HPS1: variants seen among roughly 807,000 people sequenced by gnomAD.
HPS1 encodes the protein HPS1 biogenesis of lysosomal organelles complex 3 subunit 1.
In HPS1, 59 loss-of-function variants were observed where a neutral mutation model predicts 90.6. The ratio of observed to expected loss-of-function variants is 0.65; its 90% CI spans 0.53 to 0.81. HPS1 has a LOEUF of 0.81. HPS1 is among the 30% of genes least tolerant of loss of function. The pLI is 0.00. For synonymous variants in HPS1, 388 were observed against 384.4 expected, an observed-to-expected ratio of 1.01 and a Z score of -0.11; for missense variants, 849 against 896.7, an observed-to-expected ratio of 0.95 and a Z score of 0.68.
Position 98,435,531 on chromosome 10 carries a change from G to C in HPS1, c.255+104C>G. On this transcript the variant is annotated intron_variant, in intron 4 of 19. Transcript: ENST00000361490. This position sits in a 1 kb window ranked among gnomAD's most constrained non-coding sequence, Gnocchi z 4.3. ...TCCCAGGCGGGTTTGATAAGATGCCGTTTCTGCCTTCTAAAGGAGTCTAAA... is the reference window on the plus strand; with the variant it reads ...TCCCAGGCGGGTTTGATAAGATGCCCTTTCTGCCTTCTAAAGGAGTCTAAA... The C allele has an allele frequency of 6.2e-7, 1 of 1,606,094 alleles. No individual in the cohort carries two copies. The highest frequency in any genetic ancestry group is 8.5e-7 in the Non-Finnish European group (1 of 1,173,126).
chr10:98,418,518 C>A (rs898123029), intron 18 of HPS1, among the ~76,000 whole-genome samples: 2 of 152,252 alleles, frequency 1.3e-5, no homozygotes, highest in Admixed American at 1.3e-4. Flanking sequence ...GCCACAAACA[C>A]ACGCTCAGGA....
chr10:98,436,230 A>G (rs1366875808), intron 3 of HPS1, among the ~76,000 whole-genome samples: 1 of 152,098 alleles, frequency 6.6e-6, no homozygotes, highest in Non-Finnish European at 1.5e-5. Flanking sequence ...AAACAACTGG[A>G]AAAAAAATGT....
intron 3 of HPS1, among the ~76,000 whole-genome samples, chr10:98,441,701 G>A (rs556675305): frequency 1.3e-5 from 2 of 152,228 alleles, no homozygotes; most frequent in Non-Finnish European, 2.9e-5. Context: ...AATAAAAACT[G>A]GGCAAAAGAT....
In HPS1 at chr10:98,416,397, C is replaced by T. The variant is rs1061437; in HGVS notation, c.*1167G>A. ...GTTTTTCTGTATTTTCCACAATCCA[C>T]GCTTTTCATTGCCATTCCATCAGAT... On this transcript the variant is annotated 3_prime_UTR_variant, in exon 20 of 20. Coordinates refer to ENST00000361490, the MANE Select transcript of HPS1 (RefSeq NM_000195.5). 53,971 of 152,186 alleles carry T rather than the reference C, an allele frequency of 0.35. 10,592 individuals carry two copies. The highest frequency in any genetic ancestry group is 0.51 in the African/African-American group (21,344 of 41,458). 9.4% of individuals were successfully genotyped at this position (152,186 alleles called of 1,614,324 possible). A position where few individuals can be genotyped will look rare whatever the true frequency, so the allele number is the denominator to read the frequency against.
chr10:98,435,829 G>A lies in HPS1; in HGVS notation c.118-57C>T. 6.2e-7 allele frequency: 1 copy of A among 1,610,362 alleles called. No homozygotes were observed. The highest frequency in any genetic ancestry group is 1.1e-5 in the South Asian group (1 of 90,920). On this transcript the variant is annotated intron_variant, in intron 3 of 19. Coordinates refer to ENST00000361490, the MANE Select transcript of HPS1 (RefSeq NM_000195.5). This position sits in a 1 kb window ranked among gnomAD's most constrained non-coding sequence, Gnocchi z 4.3. ...GAGTGGGCCAGACACCAAGAACTAAGGAAGGGACAAGATCAGGCCTTGATA... is the reference window on the plus strand; with the variant it reads ...GAGTGGGCCAGACACCAAGAACTAAAGAAGGGACAAGATCAGGCCTTGATA...
chr10:98,439,848 C>G (rs1938098768), intron 3 of HPS1, among the ~76,000 whole-genome samples: 1 of 152,202 alleles, frequency 6.6e-6, no homozygotes, highest in Non-Finnish European at 1.5e-5. Context: ...ATAATCCCCA[C>G]AATCCTCATA....
At chr10:98,430,525 C>A in intron 8 of HPS1, 46 bp downstream of exon 8, 1 of 1,462,138 alleles carries the variant, frequency 6.8e-7, no homozygotes, top group Non-Finnish European at 9.4e-7. Context: ...GTTTTCTGAA[C>A]TACCTCCCTA....
intron 11 of HPS1, chr10:98,426,191 CAG>C: frequency 1.7e-6 from 1 of 571,690 alleles, no homozygotes; most frequent in Non-Finnish European, 3.1e-6. Flanking sequence ...CCTTTCTGCC[CAG>C]AGTCTGGCCC....
At chr10:98,423,285 C>CCA (rs144498020) in intron 16 of HPS1, among the ~76,000 whole-genome samples, 14,996 of 150,292 alleles carry the variant, frequency 0.1, 849 homozygotes, top group East Asian at 0.17. Context: ...AGGAACCCCC[C>CCA]CCCCGGTCCC....
At position 98,445,285 on chromosome 10, in the gene HPS1, G is replaced by T; in HGVS notation, c.-1+15C>A. 6.5e-6 allele frequency: 1 copy of T among 152,750 alleles called. No individual in the cohort carries two copies. The allele number at this position is 152,750 out of a possible 1,614,324, so 9.5% of individuals were successfully genotyped here. A position where few individuals can be genotyped will look rare whatever the true frequency, so the allele number is the denominator to read the frequency against. On this transcript the variant is annotated intron_variant, in intron 2 of 19. Coordinates refer to ENST00000361490, the MANE Select transcript of HPS1 (RefSeq NM_000195.5). The surrounding 1 kb of genome is among the most constrained non-coding windows in gnomAD (Gnocchi z 4.5). ...CTGCCTCCCTGTCCTCCCCAGGTGG[G>T]GCAAGATCATCTACCTTGGCAAGCA... is the stretch of plus-strand genomic sequence containing the variant.
At chr10:98,427,670 A>G (rs571709740) in intron 10 of HPS1, among the ~76,000 whole-genome samples, 1 of 149,242 alleles carries the variant, frequency 6.7e-6, no homozygotes, top group African/African-American at 2.5e-5. Flanking sequence ...CACACAGTCC[A>G]CGTTTGCCCA....
Position 98,425,611 on chromosome 10 carries a change from T to C in HPS1, c.1265A>G (p.Gln422Arg), listed in dbSNP as rs143522382. ...CTGGCGCAGGTCTCCCACGAGGGGC[T>C]GGGAGCGCAGGGAGGCCCCGGGCTC... is the stretch of plus-strand genomic sequence containing the variant. ...GPEPGASLRSQPLVGDLRQRM... is the reference protein window; with the variant it reads ...GPEPGASLRSRPLVGDLRQRM... The change falls in exon 13 of 20, where the codon CAG becomes CGG. Residue 422 changes from glutamine to arginine, a missense_variant. Gln to Arg is a conservative substitution (Grantham distance 43, BLOSUM62 1). Coordinates refer to ENST00000361490, the MANE Select transcript of HPS1 (RefSeq NM_000195.5). The C allele has an allele frequency of 9.5e-5, 153 of 1,613,804 alleles. No individual in the cohort carries two copies. In the African/African-American group the frequency reaches 1.6e-3, roughly 17 times the overall value.
At chr10:98,422,830 T>C (rs148414157) in intron 16 of HPS1, among the ~76,000 whole-genome samples, 167 of 152,350 alleles carry the variant, frequency 1.1e-3, no homozygotes, top group African/African-American at 3.7e-3. Flanking sequence ...GGCTGGAGTG[T>C]GAGCACAGCC....
At chr10:98,430,979 G>A (rs943926046) in intron 7 of HPS1, 152 bp downstream of exon 7, 6 of 817,866 alleles carry the variant, frequency 7.3e-6, no homozygotes, top group South Asian at 5.9e-5. Context: ...TGGGTGAGCT[G>A]AAAAAGGTTG....
chr10:98,432,880 G>C (rs1846679508), intron 6 of HPS1, among the ~76,000 whole-genome samples: 1 of 139,552 alleles, frequency 7.2e-6, no homozygotes, highest in African/African-American at 2.5e-5. Context: ...CTCTAGCAGT[G>C]GTTTTCAAAG....
At chr10:98,418,677 G>T (rs1844449167) in intron 18 of HPS1, among the ~76,000 whole-genome samples, 1 of 152,246 alleles carries the variant, frequency 6.6e-6, no homozygotes, top group Non-Finnish European at 1.5e-5. Context: ...TGTGTGCCAG[G>T]CATGAACATG....
At chr10:98,418,543 G>T (rs529885932) in intron 18 of HPS1, among the ~76,000 whole-genome samples, 1 of 152,354 alleles carries the variant, frequency 6.6e-6, no homozygotes, top group East Asian at 1.9e-4. Context: ...ACCCTGCAGG[G>T]CTGTCATACA....
At position 98,425,453 on chromosome 10, in the gene HPS1, T is replaced by C. The variant is rs7073190; in HGVS notation, c.1335+88A>G. On this transcript the variant is annotated intron_variant, in intron 13 of 19. Coordinates refer to ENST00000361490, the MANE Select transcript of HPS1 (RefSeq NM_000195.5). ...GAGCCCGGACAGGAACCCAGGCCCA[T>C]TGGCCCCTCAGCTGCTGTGGACCGG... The C allele has an allele frequency of 0.11, 150,479 of 1,343,592 alleles. 9,834 individuals carry two copies. Among genetic ancestry groups the C allele is most frequent in the African/African-American group, 0.25 (17,249 of 69,482 alleles). The allele number at this position is 1,343,592 out of a possible 1,614,324, so 83.2% of individuals were successfully genotyped here.
intron 13 of HPS1, among the ~76,000 whole-genome samples, chr10:98,424,945 A>G (rs1279080278): frequency 6.6e-6 from 1 of 151,782 alleles, no homozygotes; most frequent in East Asian, 2.0e-4. Context: ...AGGCGCCTCC[A>G]CTGCTTAAAT....
Sources: gnomAD v4.1 joint callset for allele counts (sites outside exome capture counted in the v4.1 genomes callset) on GRCh38, gnomAD v4.1.1 for gene constraint, Gnocchi (gnomAD v3.1) non-coding constraint, MANE v1.5 for transcripts, NCBI Gene and HGNC (gene_info 2026-07-23, HGNC 2026-07-21) for gene names.